Variants in ITGA1 observed in about 807,000 individuals in gnomAD.
The protein encoded by ITGA1 is integrin subunit alpha 1.
Under a neutral mutation model 145.9 loss-of-function variants are expected in ITGA1, and 85 were observed. The observed-to-expected ratio is 0.58, with a 90% CI of 0.49 to 0.70. The LOEUF is 0.70. Ranked by LOEUF, ITGA1 falls within the 30% of genes least tolerant of loss-of-function variation. The pLI is 0.00. For missense variants in ITGA1, 1,351 were observed against 1,418.7 expected, an observed-to-expected ratio of 0.95 and a Z score of 0.77; for synonymous variants, 520 against 495.3, an observed-to-expected ratio of 1.05 and a Z score of -0.66.
intron 1 of ITGA1, among the ~76,000 whole-genome samples, chr5:52,846,849 T>G (rs1242786391): frequency 6.6e-6 from 1 of 151,694 alleles, no homozygotes; most frequent in Non-Finnish European, 1.5e-5. Context: ...TCTTTCTCCC[T>G]TTAAAAATCT....
chr5:52,858,825 C>T (rs1749556057), intron 2 of ITGA1, among the ~76,000 whole-genome samples: 1 of 152,092 alleles, frequency 6.6e-6, no homozygotes, highest in African/African-American at 2.4e-5. Context: ...ATAGCACATA[C>T]TATAAGCCAA....
At chr5:52,907,490 A>G (rs191278042) in intron 12 of ITGA1, among the ~76,000 whole-genome samples, 16 of 152,322 alleles carry the variant, frequency 1.1e-4, no homozygotes, top group Admixed American at 9.2e-4. Flanking sequence ...AAAGTTGAGG[A>G]GAGTATCATG....
chr5:52,835,051 A>T (rs1242157607), intron 1 of ITGA1, among the ~76,000 whole-genome samples: 1 of 152,154 alleles, frequency 6.6e-6, no homozygotes, highest in African/African-American at 2.4e-5. Context: ...GATTTCTGGG[A>T]TATCCCATAC....
chr5:52,792,895 G>A lies in ITGA1; in HGVS notation c.61+4481G>A, dbSNP rs976902214. On this transcript the variant is annotated intron_variant, in intron 1 of 28. Transcript: ENST00000282588. ...AGTCTGTGACTGGAGAATTGTATTCGCCCTCAAAGCAAGTACAGTAGAGTA... is the reference window on the plus strand; with the variant it reads ...AGTCTGTGACTGGAGAATTGTATTCACCCTCAAAGCAAGTACAGTAGAGTA... 1.6e-4 allele frequency among the ~76,000 whole-genome samples: 25 copies of A among 152,140 alleles called. No individual in the cohort carries two copies. The East Asian group carries it at 4.0e-3, about 25-fold the overall frequency.
chr5:52,904,759 A>C (rs933411688), intron 11 of ITGA1: 1 of 151,732 alleles, frequency 6.6e-6, no homozygotes, highest in African/African-American at 2.4e-5. Flanking sequence ...AGGCTGAGGC[A>C]GGAGAATGGC....
chr5:52,837,396 T>C (rs149916864), intron 1 of ITGA1, among the ~76,000 whole-genome samples: 2 of 152,236 alleles, frequency 1.3e-5, no homozygotes, highest in African/African-American at 4.8e-5. Context: ...CCGAGAAGTA[T>C]TACAACCGGT....
chr5:52,844,771 C>T (rs781290642), intron 1 of ITGA1, among the ~76,000 whole-genome samples: 1 of 152,058 alleles, frequency 6.6e-6, no homozygotes, highest in Non-Finnish European at 1.5e-5. Flanking sequence ...TCTGAAGCCA[C>T]CTCTGTGTTT....
At chr5:52,888,264 T>A (rs1750086453) in intron 8 of ITGA1, among the ~76,000 whole-genome samples, 2 of 140,216 alleles carry the variant, frequency 1.4e-5, no homozygotes, top group African/African-American at 2.7e-5. Flanking sequence ...GAAGGAAGGG[T>A]GAGAAAAAGA....
intron 24 of ITGA1, among the ~76,000 whole-genome samples, chr5:52,938,275 A>G (rs1252484439): frequency 1.3e-5 from 2 of 152,204 alleles, no homozygotes; most frequent in African/African-American, 4.8e-5. Flanking sequence ...ATTTACTCAC[A>G]TCCCAAATAA....
intron 1 of ITGA1, chr5:52,801,253 A>G: frequency 8.6e-7 from 1 of 1,157,870 alleles, no homozygotes; most frequent in Non-Finnish European, 1.2e-6. Context: ...AGATAATGAA[A>G]TAAAAAGAGA....
chr5:52,849,384 A>C lies in ITGA1; in HGVS notation c.81A>C (p.Val27=), dbSNP rs746066086. 5.6e-6 allele frequency: 9 copies of C among 1,611,188 alleles called. No homozygotes were observed. The African/African-American group carries it at 1.2e-4, about 22-fold the overall frequency. The change falls in exon 2 of 29, where the codon GTA becomes GTC. Residue 27 remains valine, a synonymous_variant. Transcript: ENST00000282588. ...WLLTVVLRCC[V]SFNVDVKNSM... ...CTAAAGTTGTTCTACGCTGCTGCGTATCATTCAATGTTGATGTGAAAAATT... is the reference window on the plus strand; with the variant it reads ...CTAAAGTTGTTCTACGCTGCTGCGTCTCATTCAATGTTGATGTGAAAAATT...
intron 2 of ITGA1, among the ~76,000 whole-genome samples, chr5:52,850,800 C>G (rs1423656066): frequency 6.6e-6 from 1 of 152,126 alleles, no homozygotes; most frequent in Admixed American, 6.6e-5. Context: ...CCCTTTCCCT[C>G]CCTCCTATAC....
chr5:52,814,468 T>A (rs922505937), intron 1 of ITGA1, among the ~76,000 whole-genome samples: 2 of 152,210 alleles, frequency 1.3e-5, no homozygotes, highest in Non-Finnish European at 2.9e-5. Flanking sequence ...CTGTTCCTCA[T>A]CAGAGATGCC....
At chr5:52,820,138 T>C (rs1748852854) in intron 1 of ITGA1, among the ~76,000 whole-genome samples, 1 of 152,006 alleles carries the variant, frequency 6.6e-6, no homozygotes, top group African/African-American at 2.4e-5. Flanking sequence ...GGCTCATTTT[T>C]GGTTCCATAT....
intron 1 of ITGA1, among the ~76,000 whole-genome samples, chr5:52,818,248 G>A (rs1349109897): frequency 6.6e-6 from 1 of 152,070 alleles, no homozygotes; most frequent in Admixed American, 6.6e-5. Flanking sequence ...AAAAAAAATG[G>A]TATGGTTCTC....
chr5:52,947,295 A>G, intron 27 of ITGA1, 50 bp from the exon 28 acceptor site: 1 of 1,057,370 alleles, frequency 9.5e-7, no homozygotes, highest in Admixed American at 1.7e-5. Flanking sequence ...ATGTTCCAGG[A>G]GTTCTAATAG....
chr5:52,868,052 G>C (rs886824907), intron 6 of ITGA1, among the ~76,000 whole-genome samples: 2 of 152,048 alleles, frequency 1.3e-5, no homozygotes, highest in Non-Finnish European at 2.9e-5. Flanking sequence ...AATGGCTTGT[G>C]TTCCCGCTTT....
At chr5:52,821,166 G>T (rs1244392417) in intron 1 of ITGA1, among the ~76,000 whole-genome samples, 1 of 152,184 alleles carries the variant, frequency 6.6e-6, no homozygotes, top group African/African-American at 2.4e-5. Flanking sequence ...CAAATACGAA[G>T]ACTTGGATTC....
chr5:52,878,372 G>A (rs931081963), intron 6 of ITGA1, among the ~76,000 whole-genome samples: 1 of 152,236 alleles, frequency 6.6e-6, no homozygotes, highest in Non-Finnish European at 1.5e-5. Flanking sequence ...ATGGATGATA[G>A]AGATGTAAAA....
Sources: allele counts gnomAD v4.1 joint callset (sites outside exome capture counted in the v4.1 genomes callset), GRCh38; gene constraint gnomAD v4.1.1; transcripts MANE v1.5; gene names NCBI Gene and HGNC (gene_info 2026-07-23, HGNC 2026-07-21).